The following ASTN2 variants were observed in gnomAD, a reference collection of about 807,000 sequenced individuals.
ASTN2 encodes astrotactin 2.
A neutral mutation model predicts 139.8 loss-of-function variants in ASTN2; 54 were observed. The ratio of observed to expected loss-of-function variants is 0.39; its 90% CI spans 0.31 to 0.48. The LOEUF is 0.48. Among genes scored for constraint, ASTN2 ranks in the 20% least tolerant of loss-of-function variants. The probability of loss-of-function intolerance (pLI) is 0.95; values close to 1 mark genes in which losing one functional copy is unlikely to be tolerated. For missense variants in ASTN2, 1,565 were observed against 1,725.1 expected (o/e 0.91, Z 1.64); for synonymous variants, 756 against 719.5 (o/e 1.05, Z -0.81).
chr9:117,277,851 T>C (rs1005475583), intron 2 of ASTN2, among the ~76,000 whole-genome samples: 3 of 152,248 alleles, frequency 2.0e-5, no homozygotes, highest in Admixed American at 6.5e-5. Context: ...CTTCCCTGCA[T>C]ATTCCCCACC....
intron 19 of ASTN2, among the ~76,000 whole-genome samples, chr9:116,490,418 T>C (rs1849482142): frequency 6.6e-6 from 1 of 151,644 alleles, no homozygotes; most frequent in Admixed American, 6.6e-5. Context: ...TCTGGCTACA[T>C]GTGTTTGTTT....
At chr9:116,960,019 G>A (rs958574016) in intron 10 of ASTN2, among the ~76,000 whole-genome samples, 3 of 152,108 alleles carry the variant, frequency 2.0e-5, no homozygotes, top group African/African-American at 4.8e-5. Context: ...GCACAGAGCC[G>A]CTGTGATTTA....
At chr9:116,874,817 A>T (rs1357574499) in intron 10 of ASTN2, among the ~76,000 whole-genome samples, 2 of 152,180 alleles carry the variant, frequency 1.3e-5, no homozygotes, top group Non-Finnish European at 2.9e-5. Context: ...ACCCTGTGTC[A>T]AGAGAGTCTA....
At chr9:116,739,267 A>C (rs1829030178) in intron 13 of ASTN2, among the ~76,000 whole-genome samples, 1 of 152,178 alleles carries the variant, frequency 6.6e-6, no homozygotes, top group Non-Finnish European at 1.5e-5. Context: ...GCCTCCATTC[A>C]TGAAGACCAG....
intron 20 of ASTN2, among the ~76,000 whole-genome samples, chr9:116,459,206 G>A (rs575968858): frequency 6.8e-4 from 103 of 152,096 alleles, no homozygotes; most frequent in Non-Finnish European, 8.7e-4. Flanking sequence ...CACTTGGGTA[G>A]CCTCGTCAAG....
intron 7 of ASTN2, among the ~76,000 whole-genome samples, chr9:117,003,945 C>CGCGCGCGT (rs1284469575): frequency 6.9e-5 from 9 of 129,676 alleles, no homozygotes; most frequent in African/African-American, 3.1e-4. Flanking sequence ...CTTTCACGCG[C>CGCGCGCGT]GCGCGCGCGT....
intron 1 of ASTN2, among the ~76,000 whole-genome samples, chr9:117,322,204 T>C (rs552901646): frequency 4.5e-4 from 69 of 152,290 alleles, no homozygotes; most frequent in African/African-American, 1.5e-3. Flanking sequence ...CAGCAAGTTG[T>C]ACTCCCCCTT....
chr9:117,175,555 C>T (rs1316420336), intron 3 of ASTN2, among the ~76,000 whole-genome samples: 1 of 152,050 alleles, frequency 6.6e-6, no homozygotes, highest in Non-Finnish European at 1.5e-5. Context: ...ACCATAATAA[C>T]TAAAAGTAGC....
intron 10 of ASTN2, among the ~76,000 whole-genome samples, chr9:116,886,849 C>A (rs917443423): frequency 6.6e-6 from 1 of 151,908 alleles, no homozygotes; most frequent in African/African-American, 2.4e-5. Context: ...GATAACAAAC[C>A]AATGAACAAG....
intron 10 of ASTN2, among the ~76,000 whole-genome samples, chr9:116,874,147 T>C (rs1221365719): frequency 6.6e-6 from 1 of 152,230 alleles, no homozygotes; most frequent in East Asian, 1.9e-4. Context: ...TGGGTGTATC[T>C]GACTTCGGAC....
At chr9:116,870,055 G>A (rs565412860) in intron 10 of ASTN2, among the ~76,000 whole-genome samples, 1 of 151,876 alleles carries the variant, frequency 6.6e-6, no homozygotes, top group African/African-American at 2.4e-5. Flanking sequence ...GGGGAGGTGG[G>A]GGTCAAGGAT....
At chr9:116,687,310 A>C in intron 16 of ASTN2, 1 of 978,972 alleles carries the variant, frequency 1.0e-6, no homozygotes, top group Non-Finnish European at 1.2e-6. Flanking sequence ...GGGGTGCTCA[A>C]CGGCGCGTGC....
chr9:116,995,128 T>C (rs1317193484), intron 7 of ASTN2, among the ~76,000 whole-genome samples: 1 of 152,208 alleles, frequency 6.6e-6, no homozygotes, highest in African/African-American at 2.4e-5. Flanking sequence ...GCTTATTAAG[T>C]GTAAACACTT....
At chr9:117,016,262 T>A (rs1837669125) in intron 6 of ASTN2, among the ~76,000 whole-genome samples, 1 of 151,992 alleles carries the variant, frequency 6.6e-6, no homozygotes, top group Non-Finnish European at 1.5e-5. Flanking sequence ...ACATGGACTT[T>A]GTGACTCTCA....
At chr9:117,037,819 C>T (rs1409186245) in intron 6 of ASTN2, among the ~76,000 whole-genome samples, 3 of 152,110 alleles carry the variant, frequency 2.0e-5, no homozygotes, top group Non-Finnish European at 4.4e-5. Flanking sequence ...CATTTTCTGG[C>T]CACTTCCAGG....
chr9:116,784,059 T>A (rs934613087), intron 13 of ASTN2, among the ~76,000 whole-genome samples: 7 of 152,188 alleles, frequency 4.6e-5, no homozygotes, highest in African/African-American at 1.7e-4. Context: ...CCATATAGTA[T>A]GAGACACAGT....
intron 10 of ASTN2, among the ~76,000 whole-genome samples, chr9:116,933,515 C>G (rs1026214943): frequency 1.3e-5 from 2 of 151,978 alleles, no homozygotes; most frequent in East Asian, 3.9e-4. Context: ...AACAGGAGCA[C>G]TTAAGGAATT....
At chr9:116,530,731 C>G (rs748223152) in intron 19 of ASTN2, among the ~76,000 whole-genome samples, 1 of 152,036 alleles carries the variant, frequency 6.6e-6, no homozygotes, top group Non-Finnish European at 1.5e-5. Flanking sequence ...ATGAGAATAA[C>G]CTTTTCCTCT....
intron 10 of ASTN2, among the ~76,000 whole-genome samples, chr9:116,935,041 A>G (rs1445705901): frequency 2.6e-5 from 4 of 152,152 alleles, no homozygotes; most frequent in Admixed American, 1.3e-4. Flanking sequence ...GGGGAGTACT[A>G]TTTGCCCTGC....
Sources: gnomAD v4.1 joint callset for allele counts (sites outside exome capture counted in the v4.1 genomes callset) on GRCh38, gnomAD v4.1.1 for gene constraint, MANE v1.5 for transcripts, NCBI Gene and HGNC (gene_info 2026-07-23, HGNC 2026-07-21) for gene names.